CLDN10: variants seen among roughly 807,000 people sequenced by gnomAD.
CLDN10 encodes the protein claudin-10.
CLDN10 carries 15 observed loss-of-function variants against 22.9 expected under a neutral mutation model. The ratio of observed to expected loss-of-function variants is 0.65; its 90% confidence interval spans 0.44 to 1.01. The LOEUF is 1.01. Ranked by LOEUF, CLDN10 falls within the 50% of genes least tolerant of loss-of-function variation. CLDN10 has a pLI of 0.00. For synonymous variants in CLDN10, 114 were observed against 111.4 expected (o/e 1.02, Z -0.15); for missense variants, 247 against 287.8 (o/e 0.86, Z 1.03).
At chr13:95,485,115 G>A (rs115074548) in intron 1 of CLDN10, among the ~76,000 whole-genome samples, 4,324 of 146,402 alleles carry the variant, frequency 0.03, 90 homozygotes, top group Middle Eastern at 0.072. Context: ...AGAGAGCCAC[G>A]TGGGGGTTGC....
chr13:95,540,790 G>A (rs2043452641), intron 1 of CLDN10, among the ~76,000 whole-genome samples: 1 of 152,138 alleles, frequency 6.6e-6, no homozygotes, highest in African/African-American at 2.4e-5. Context: ...TGGGGGTTGG[G>A]GAGAGACATT....
chr13:95,490,626 C>G (rs1398570192), intron 1 of CLDN10, among the ~76,000 whole-genome samples: 1 of 152,176 alleles, frequency 6.6e-6, no homozygotes, highest in African/African-American at 2.4e-5. Context: ...TATGGCCTGA[C>G]AGAGTGCTTG....
chr13:95,509,483 A>T (rs16880), intron 1 of CLDN10, among the ~76,000 whole-genome samples: 14,995 of 152,254 alleles, frequency 0.098, 900 homozygotes, highest in Middle Eastern at 0.12. Flanking sequence ...GAGTGGCAGC[A>T]GTACCTGCAG....
At position 95,502,921 on chromosome 13, in the gene CLDN10, A is replaced by G. The variant is rs183825806; in HGVS notation, c.215-57211A>G. Among the ~76,000 whole-genome samples, 509 of 150,832 alleles carry G rather than the reference A, an allele frequency of 3.4e-3. 3 individuals carry two copies. Among genetic ancestry groups the G allele is most frequent in the South Asian group, 0.03 (145 of 4,784 alleles). ...AAGATGTCCTGTTTCTGGAGCATCTATCTCTTCTGATGGACACATTTGTAT... is the reference window on the plus strand; with the variant it reads ...AAGATGTCCTGTTTCTGGAGCATCTGTCTCTTCTGATGGACACATTTGTAT... On this transcript the variant is annotated intron_variant, in intron 1 of 4. Transcript: ENST00000376873.
chr13:95,502,807 C>A (rs1194646852), intron 1 of CLDN10, among the ~76,000 whole-genome samples: 3 of 152,204 alleles, frequency 2.0e-5, no homozygotes, highest in Non-Finnish European at 4.4e-5. Context: ...AGGCATGAGC[C>A]ACTTTGCCCA....
At chr13:95,463,832 C>A (rs950947636) in intron 1 of CLDN10, among the ~76,000 whole-genome samples, 3 of 151,972 alleles carry the variant, frequency 2.0e-5, no homozygotes, top group African/African-American at 7.3e-5. Flanking sequence ...TCCAAACCCT[C>A]TTTTTTGGAC....
At chr13:95,471,440 C>CACACACATATAT (rs746573300) in intron 1 of CLDN10, among the ~76,000 whole-genome samples, 2 of 104,382 alleles carry the variant, frequency 1.9e-5, no homozygotes, top group African/African-American at 7.9e-5. Flanking sequence ...CACACACACA[C>CACACACATATAT]ATATATATAT....
At chr13:95,494,873 T>A (rs1394789859) in intron 1 of CLDN10, among the ~76,000 whole-genome samples, 2 of 152,096 alleles carry the variant, frequency 1.3e-5, no homozygotes, top group Non-Finnish European at 2.9e-5. Flanking sequence ...GGCTTTTGTG[T>A]AATTTGTTAT....
intron 1 of CLDN10, among the ~76,000 whole-genome samples, chr13:95,535,761 C>T (rs1440175337): frequency 1.3e-5 from 2 of 151,906 alleles, no homozygotes; most frequent in Non-Finnish European, 2.9e-5. Flanking sequence ...GGGGTAAGTG[C>T]CAAGTACAGA....
In CLDN10 at chr13:95,469,759, A is replaced by G. The variant is rs779964000; in HGVS notation, c.214+35712A>G. ...AAAGTTCAATCTCAAGACTGAACAC[A>G]CTCAAAAAATGCTTATGAGACATTT... On this transcript the variant is annotated intron_variant, in intron 1 of 4. Coordinates refer to the CLDN10 transcript ENST00000376873. 2.0e-5 allele frequency among the ~76,000 whole-genome samples: 3 copies of G among 152,232 alleles called. No individual in the cohort carries two copies. The South Asian group carries it at 6.2e-4, about 32-fold the overall frequency.
chr13:95,473,716 G>T (rs565839269), intron 1 of CLDN10, among the ~76,000 whole-genome samples: 3 of 152,222 alleles, frequency 2.0e-5, no homozygotes, highest in Non-Finnish European at 2.9e-5. Context: ...GGGCGGGACT[G>T]AGAATTGCAT....
At chr13:95,538,674 A>G (rs925158919) in intron 1 of CLDN10, among the ~76,000 whole-genome samples, 1 of 152,046 alleles carries the variant, frequency 6.6e-6, no homozygotes, top group Non-Finnish European at 1.5e-5. Context: ...CTTCTTCTAT[A>G]GGGTAGAGCC....
At chr13:95,478,237 A>T (rs770531898) in intron 1 of CLDN10, among the ~76,000 whole-genome samples, 45 of 152,142 alleles carry the variant, frequency 3.0e-4, no homozygotes, top group Non-Finnish European at 5.4e-4. Flanking sequence ...GAGCCCAGGG[A>T]GCTGAGGTTG....
At chr13:95,486,886 A>C (rs996020784) in intron 1 of CLDN10, among the ~76,000 whole-genome samples, 6 of 152,186 alleles carry the variant, frequency 3.9e-5, no homozygotes, top group Non-Finnish European at 7.3e-5. Flanking sequence ...TTGGGTGCTC[A>C]ATCAATGAGT....
intron 1 of CLDN10, among the ~76,000 whole-genome samples, chr13:95,479,139 A>G (rs989974415): frequency 6.6e-5 from 10 of 152,258 alleles, no homozygotes; most frequent in African/African-American, 1.4e-4. Flanking sequence ...TCACGAGGTC[A>G]GGAGTTCAAG....
chr13:95,557,976 TTC>T (rs763266984), intron 1 of CLDN10, among the ~76,000 whole-genome samples: 1 of 152,158 alleles, frequency 6.6e-6, no homozygotes, highest in Non-Finnish European at 1.5e-5. Context: ...AACTTGCACT[TTC>T]TGTTAACAAA....
intron 1 of CLDN10, among the ~76,000 whole-genome samples, chr13:95,489,677 T>C (rs2042848436): frequency 6.6e-6 from 1 of 152,258 alleles, no homozygotes. Context: ...GTCTGTTTAC[T>C]GTGCTGACTG....
At chr13:95,468,494 G>A (rs1293320262) in intron 1 of CLDN10, among the ~76,000 whole-genome samples, 1 of 152,184 alleles carries the variant, frequency 6.6e-6, no homozygotes, top group Non-Finnish European at 1.5e-5. Context: ...GGGAGGCTGA[G>A]GTGGGCAGAT....
At chr13:95,551,824 A>G (rs1179221704), upstream of CLDN10, among the ~76,000 whole-genome samples, 4 of 152,210 alleles carry the variant, frequency 2.6e-5, no homozygotes, top group Non-Finnish European at 5.9e-5. Flanking sequence ...TGAGACAGCA[A>G]TGAAGGGATG....
Sources: gnomAD v4.1 joint callset for allele counts (sites outside exome capture counted in the v4.1 genomes callset) on GRCh38, gnomAD v4.1.1 for gene constraint, MANE v1.5 for transcripts, NCBI Gene and HGNC (gene_info 2026-07-23, HGNC 2026-07-21) for gene names.